KCNQ5: variants seen among roughly 807,000 people sequenced by gnomAD.
KCNQ5 encodes potassium voltage-gated channel subfamily KQT member 5.
In KCNQ5, 30 loss-of-function variants were observed where a neutral mutation model predicts 98.2. That is an observed-to-expected ratio of 0.31 (90% CI 0.23 to 0.41). The LOEUF (loss-of-function observed/expected upper bound fraction) is 0.41. Among genes scored for constraint, KCNQ5 ranks in the 10% least tolerant of loss-of-function variants. KCNQ5 has a pLI of 1.00. For missense variants in KCNQ5, 835 were observed against 1,182.5 expected (o/e 0.71, Z 4.31); for synonymous variants, 458 against 449.4 (o/e 1.02, Z -0.24).
Position 73,196,123 on chromosome 6 carries a change from A to G in KCNQ5, c.*709A>G, listed in dbSNP as rs1765784736. On this transcript the variant is annotated 3_prime_UTR_variant, in exon 14 of 14. Transcript: ENST00000370398. ...GCAAATAGACTATCTGACATATTTG[A>G]CTTTATGAAAACATATTGCCTGATG... 1 of 152,554 alleles carries G rather than the reference A, an allele frequency of 6.6e-6. No homozygotes were observed. Among genetic ancestry groups the G allele is most frequent in the South Asian group, 2.1e-4 (1 of 4,834 alleles). The allele number at this position is 152,554 out of a possible 1,614,324, so 9.5% of individuals were successfully genotyped here. A position where few individuals can be genotyped will look rare whatever the true frequency, so the allele number is the denominator to read the frequency against.
At chr6:73,183,103 T>C (rs1258453790) in intron 11 of KCNQ5, among the ~76,000 whole-genome samples, 1 of 152,158 alleles carries the variant, frequency 6.6e-6, no homozygotes, top group Admixed American at 6.6e-5. Flanking sequence ...CTTGGATTCA[T>C]TTGTGTGAGA....
chr6:72,846,424 C>T (rs1777024408), intron 1 of KCNQ5, among the ~76,000 whole-genome samples: 1 of 151,994 alleles, frequency 6.6e-6, no homozygotes. Context: ...TGGCTCACAC[C>T]TGTAATCCCA....
At chr6:72,670,115 T>C (rs1767026626) in intron 1 of KCNQ5, among the ~76,000 whole-genome samples, 1 of 152,216 alleles carries the variant, frequency 6.6e-6, no homozygotes, top group Non-Finnish European at 1.5e-5. Flanking sequence ...TACAAAACAC[T>C]AAAGGACAAT....
At chr6:72,690,078 G>T (rs1768137315) in intron 1 of KCNQ5, among the ~76,000 whole-genome samples, 1 of 151,974 alleles carries the variant, frequency 6.6e-6, no homozygotes, top group Non-Finnish European at 1.5e-5. Context: ...TTGGAGACCA[G>T]CCTGGCTAAC....
In KCNQ5 at chr6:73,110,418, G is replaced by A. The variant is rs573619014; in HGVS notation, c.1030-890G>A. Among the ~76,000 whole-genome samples, 6 of 152,266 alleles carry A rather than the reference G, an allele frequency of 3.9e-5. No individual in the cohort carries two copies. In the East Asian group the frequency reaches 1.2e-3, roughly 29 times the overall value. On this transcript the variant is annotated intron_variant, in intron 6 of 13. Transcript: ENST00000370398. ...AGTAGACCAGAGCAAATTGAAAAGA[G>A]TGGGGGACATCAAAGAACCAGAATT...
At chr6:72,818,027 G>C (rs1775579346) in intron 1 of KCNQ5, among the ~76,000 whole-genome samples, 1 of 152,190 alleles carries the variant, frequency 6.6e-6, no homozygotes, top group East Asian at 1.9e-4. Flanking sequence ...AAATCAGTAG[G>C]ATATGTAACA....
chr6:72,781,485 G>A (rs139712312), intron 1 of KCNQ5, among the ~76,000 whole-genome samples: 3 of 152,242 alleles, frequency 2.0e-5, no homozygotes, highest in Non-Finnish European at 4.4e-5. Flanking sequence ...GTTTATAACT[G>A]TGTGGATTTT....
intron 10 of KCNQ5, chr6:73,157,536 T>C (rs913671528): frequency 8.1e-6 from 6 of 736,640 alleles, no homozygotes; most frequent in Non-Finnish European, 1.5e-5. Flanking sequence ...CTGACGATAC[T>C]TCCATCCTTG....
At chr6:73,146,227 T>C (rs1242362428) in intron 10 of KCNQ5, among the ~76,000 whole-genome samples, 1 of 152,230 alleles carries the variant, frequency 6.6e-6, no homozygotes, top group African/African-American at 2.4e-5. Flanking sequence ...GAAACAGATC[T>C]CGTTCTTGTG....
intron 1 of KCNQ5, among the ~76,000 whole-genome samples, chr6:72,711,530 T>C (rs1387755074): frequency 6.6e-6 from 1 of 151,612 alleles, no homozygotes; most frequent in Non-Finnish European, 1.5e-5. Flanking sequence ...ATGAGAGAGG[T>C]AGAGGGAAGC....
At chr6:72,781,082 T>A (rs1561979125) in intron 1 of KCNQ5, among the ~76,000 whole-genome samples, 1 of 152,068 alleles carries the variant, frequency 6.6e-6, no homozygotes, top group South Asian at 2.1e-4. Flanking sequence ...TATTTGGAAA[T>A]AGAGTCTTTG....
chr6:72,786,256 C>T (rs149827883), intron 1 of KCNQ5, among the ~76,000 whole-genome samples: 1 of 152,160 alleles, frequency 6.6e-6, no homozygotes, highest in Non-Finnish European at 1.5e-5. Context: ...CTATGTCAGA[C>T]GATGTTGCTC....
chr6:72,985,783 A>G (rs1291823793), intron 1 of KCNQ5, among the ~76,000 whole-genome samples: 2 of 152,208 alleles, frequency 1.3e-5, no homozygotes, highest in Admixed American at 1.3e-4. Flanking sequence ...GAAAACTACC[A>G]TTTGACCCAG....
At chr6:72,907,066 A>G (rs576443983) in intron 1 of KCNQ5, among the ~76,000 whole-genome samples, 38 of 152,344 alleles carry the variant, frequency 2.5e-4, no homozygotes, top group African/African-American at 9.1e-4. Flanking sequence ...TCTAGATTAT[A>G]TGGTGCCTTT....
chr6:73,141,547 G>T (rs1776711047), intron 10 of KCNQ5, among the ~76,000 whole-genome samples: 1 of 152,212 alleles, frequency 6.6e-6, no homozygotes, highest in South Asian at 2.1e-4. Flanking sequence ...CCCATGGTTT[G>T]TTGTTACTCT....
chr6:72,955,592 G>A (rs1767003722), intron 1 of KCNQ5, among the ~76,000 whole-genome samples: 1 of 152,110 alleles, frequency 6.6e-6, no homozygotes, highest in Non-Finnish European at 1.5e-5. Flanking sequence ...TATATTTGTT[G>A]GGTTACTTGG....
intron 1 of KCNQ5, among the ~76,000 whole-genome samples, chr6:72,834,933 A>T (rs2796007): frequency 0.22 from 34,065 of 152,082 alleles, 4,650 homozygotes; most frequent in Non-Finnish European, 0.29. Flanking sequence ...AAATTGAGCC[A>T]GGTTTGTTTT....
At chr6:73,011,729 G>A (rs940885678) in intron 2 of KCNQ5, among the ~76,000 whole-genome samples, 1 of 151,956 alleles carries the variant, frequency 6.6e-6, no homozygotes, top group African/African-American at 2.4e-5. Flanking sequence ...TACCTGAGAA[G>A]GGGTTAATAT....
intron 2 of KCNQ5, among the ~76,000 whole-genome samples, chr6:73,009,432 T>C (rs191267324): frequency 6.6e-6 from 1 of 152,042 alleles, no homozygotes; most frequent in Non-Finnish European, 1.5e-5. Flanking sequence ...AATGCTTACA[T>C]TAAAAAAAGA....
Sources: gnomAD v4.1 joint callset for allele counts (sites outside exome capture counted in the v4.1 genomes callset) on GRCh38, gnomAD v4.1.1 for gene constraint, MANE v1.5 for transcripts, NCBI Gene and HGNC (gene_info 2026-07-23, HGNC 2026-07-21) for gene names.